DPP10: variants seen among roughly 807,000 people sequenced by gnomAD.
DPP10 encodes inactive dipeptidyl peptidase 10.
DPP10 carries 33 observed loss-of-function variants against 120.9 expected under a neutral mutation model. The ratio of observed to expected loss-of-function variants is 0.27; its 90% CI spans 0.21 to 0.37. The LOEUF (loss-of-function observed/expected upper bound fraction) is 0.37. DPP10 is among the 10% of genes least tolerant of loss of function. DPP10 has a pLI of 1.00. For synonymous variants in DPP10, 337 were observed against 326.1 expected, an observed-to-expected ratio of 1.03 and a Z score of -0.36; for missense variants, 816 against 942.8, an observed-to-expected ratio of 0.87 and a Z score of 1.76.
chr2:115,794,437 G>C (rs947698516), intron 19 of DPP10, among the ~76,000 whole-genome samples: 6 of 152,112 alleles, frequency 3.9e-5, no homozygotes, highest in Non-Finnish European at 8.8e-5. Flanking sequence ...CCCTTGCTTG[G>C]TCATATGTTT....
At chr2:115,248,023 G>T (rs968927939) in intron 1 of DPP10, among the ~76,000 whole-genome samples, 35 of 152,178 alleles carry the variant, frequency 2.3e-4, no homozygotes, top group African/African-American at 8.2e-4. Context: ...TCAGGGGATT[G>T]CAGTGATATT....
intron 1 of DPP10, among the ~76,000 whole-genome samples, chr2:115,200,388 AT>A (rs548693786): frequency 2.3e-4 from 35 of 151,618 alleles, no homozygotes; most frequent in Middle Eastern, 3.4e-3. Context: ...CATTCAGCTA[AT>A]TTTTTTTTCC....
chr2:115,071,980 A>C (rs1161706661), intron 1 of DPP10, among the ~76,000 whole-genome samples: 1 of 152,234 alleles, frequency 6.6e-6, no homozygotes, highest in Non-Finnish European at 1.5e-5. Flanking sequence ...AGAATTGTCC[A>C]GTTGTTCAAA....
intron 1 of DPP10, among the ~76,000 whole-genome samples, chr2:115,040,841 G>A (rs549584238): frequency 1.3e-4 from 20 of 152,140 alleles, no homozygotes; most frequent in African/African-American, 4.3e-4. Flanking sequence ...TGAGGCTGCC[G>A]GGTGTGGTGT....
intron 1 of DPP10, among the ~76,000 whole-genome samples, chr2:114,650,987 A>C (rs2105483586): frequency 6.6e-6 from 1 of 152,202 alleles, no homozygotes; most frequent in Admixed American, 6.5e-5. Context: ...TCTTAGAAAT[A>C]CTTAGGGAGC....
At chr2:115,183,009 ACG>A (rs2054179325) in intron 1 of DPP10, among the ~76,000 whole-genome samples, 2 of 113,760 alleles carry the variant, frequency 1.8e-5, no homozygotes, top group Admixed American at 9.0e-5. Flanking sequence ...AAATATTTAC[ACG>A]CACACACACA....
At chr2:114,995,157 G>A (rs2104954962) in intron 1 of DPP10, among the ~76,000 whole-genome samples, 1 of 152,290 alleles carries the variant, frequency 6.6e-6, no homozygotes, top group South Asian at 2.1e-4. Context: ...GCCTGCTGGA[G>A]GATGAAGGAC....
chr2:115,244,803 G>GTA (rs2058457591), intron 1 of DPP10, among the ~76,000 whole-genome samples: 2 of 149,100 alleles, frequency 1.3e-5, no homozygotes, highest in African/African-American at 2.5e-5. Context: ...GTGTGTGTGT[G>GTA]TATATACATG....
intron 4 of DPP10, among the ~76,000 whole-genome samples, chr2:115,522,558 T>G (rs540648211): frequency 6.6e-6 from 1 of 152,346 alleles, no homozygotes; most frequent in African/African-American, 2.4e-5. Flanking sequence ...TACCTTGTCT[T>G]TCTTGCTTAA....
intron 5 of DPP10, among the ~76,000 whole-genome samples, chr2:115,561,358 CAAAAAAAAA>C (rs11421762): frequency 3.3e-4 from 20 of 59,802 alleles, no homozygotes; most frequent in East Asian, 8.0e-4. Context: ...GACTCCATCA[CAAAAAAAAA>C]AAAAAAAAAA....
rs998253043 is a variant in DPP10 at position 115,327,233 on chromosome 2, T to C, written c.176-16584T>C. The stretch of plus-strand genomic sequence containing the variant: ...TGTATCTTATAGCATAGATATGCAG[T>C]AGACTTTAGCATCTGGGTTTGTGTA... On this transcript the variant is annotated intron_variant, in intron 2 of 25. Coordinates refer to ENST00000410059, the MANE Select transcript of DPP10 (RefSeq NM_020868.6). Among the ~76,000 whole-genome samples, 3 of 152,092 alleles carry C rather than the reference T, an allele frequency of 2.0e-5. No individual in the cohort carries two copies. In the East Asian group the frequency reaches 5.8e-4, roughly 29 times the overall value.
At position 115,739,746 on chromosome 2, in the gene DPP10, C is replaced by T. The variant is rs1288517137; in HGVS notation, c.705C>T (p.Leu235=). 6.2e-7 allele frequency: 1 copy of T among 1,613,160 alleles called. No individual in the cohort carries two copies. The highest frequency in any genetic ancestry group is 8.5e-7 in the Non-Finnish European group (1 of 1,179,320). Residue 235 remains leucine, a synonymous_variant, in exon 9 of 26, where the codon CTC becomes CTT. Coordinates refer to ENST00000410059, the MANE Select transcript of DPP10 (RefSeq NM_020868.6). ...GIADWLYEEE[L]LHSHIAHWWS... is the part of the protein sequence containing the mutation. Reference sequence around the variant, plus strand: ...AACACTCATTTATTCTAGAGGAACTCCTGCATTCTCACATCGCCCACTGGT... The same window carrying T: ...AACACTCATTTATTCTAGAGGAACTTCTGCATTCTCACATCGCCCACTGGT...
At chr2:115,578,510 G>A (rs1335649460) in intron 5 of DPP10, among the ~76,000 whole-genome samples, 1 of 152,030 alleles carries the variant, frequency 6.6e-6, no homozygotes, top group African/African-American at 2.4e-5. Context: ...TGAATATTAG[G>A]GATAAGTTTC....
intron 1 of DPP10, among the ~76,000 whole-genome samples, chr2:114,817,688 A>C (rs541145752): frequency 9.8e-5 from 15 of 152,338 alleles, no homozygotes; most frequent in African/African-American, 3.1e-4. Context: ...CAGAGCACCA[A>C]GTAAGGTGGA....
In DPP10 at chr2:115,597,704, A is replaced by G. The variant is rs559893096; in HGVS notation, c.441+71732A>G. Among the ~76,000 whole-genome samples, 257 of 152,052 alleles carry G rather than the reference A, an allele frequency of 1.7e-3. 1 individual carries two copies. Among genetic ancestry groups the G allele is most frequent in the African/African-American group, 5.5e-3 (227 of 41,526 alleles). Reference sequence around the variant, plus strand: ...CTCCTCAAAAATAAAAAAACTTTCAAAATCTTATTACTGGATTTCAGCTGG... The same window carrying G: ...CTCCTCAAAAATAAAAAAACTTTCAGAATCTTATTACTGGATTTCAGCTGG... On this transcript the variant is annotated intron_variant, in intron 5 of 25. Transcript: ENST00000410059.
intron 5 of DPP10, among the ~76,000 whole-genome samples, chr2:115,676,407 A>C (rs1234912982): frequency 6.6e-6 from 1 of 152,226 alleles, no homozygotes; most frequent in East Asian, 1.9e-4. Context: ...ACTTCATAAA[A>C]CTGGAAGAAG....
intron 1 of DPP10, among the ~76,000 whole-genome samples, chr2:114,969,310 G>C (rs1699241990): frequency 6.6e-6 from 1 of 152,174 alleles, no homozygotes; most frequent in African/African-American, 2.4e-5. Flanking sequence ...TTTTGGGGAA[G>C]ACTACTTGTT....
In DPP10 at chr2:115,765,370, T is replaced by A. The variant is rs149681394; in HGVS notation, c.1113+2760T>A. Reference sequence around the variant, plus strand: ...TGGTGGATAGAGTGATATATAAAACTAATATTTTTGTTCATGGTATCCATA... The same window carrying A: ...TGGTGGATAGAGTGATATATAAAACAAATATTTTTGTTCATGGTATCCATA... On this transcript the variant is annotated intron_variant, in intron 12 of 25. Coordinates refer to ENST00000410059, the MANE Select transcript of DPP10 (RefSeq NM_020868.6). Among the ~76,000 whole-genome samples, 4 of 152,264 alleles carry A rather than the reference T, an allele frequency of 2.6e-5. No homozygotes were observed. In the East Asian group the frequency reaches 7.7e-4, roughly 29 times the overall value.
At chr2:115,634,598 C>G (rs1205527737) in intron 5 of DPP10, among the ~76,000 whole-genome samples, 1 of 152,156 alleles carries the variant, frequency 6.6e-6, no homozygotes, top group Non-Finnish European at 1.5e-5. Context: ...CCTCTGGGAT[C>G]TCTGTACCAG....
Sources: allele counts gnomAD v4.1 joint callset (sites outside exome capture counted in the v4.1 genomes callset), GRCh38; gene constraint gnomAD v4.1.1; transcripts MANE v1.5; gene names NCBI Gene and HGNC (gene_info 2026-07-23, HGNC 2026-07-21).